Variants in PDE10A observed in about 807,000 individuals in gnomAD.
The protein encoded by PDE10A is cAMP and cAMP-inhibited cGMP 3',5'-cyclic phosphodiesterase 10A.
Under a neutral mutation model 97.7 loss-of-function variants are expected in PDE10A, and 39 were observed. That is an observed-to-expected ratio of 0.40 (90% CI 0.31 to 0.52). The LOEUF (loss-of-function observed/expected upper bound fraction) is 0.52, where lower values mean the gene tolerates loss of function less well. Among genes scored for constraint, PDE10A ranks in the 20% least tolerant of loss-of-function variants. The probability of loss-of-function intolerance (pLI) is 0.56; values close to 1 mark genes in which losing one functional copy is unlikely to be tolerated. For synonymous variants in PDE10A, 371 were observed against 376.8 expected, an observed-to-expected ratio of 0.98 and a Z score of 0.18; for missense variants, 731 against 1,047.8, an observed-to-expected ratio of 0.70 and a Z score of 4.17.
At chr6:165,443,716 C>T (rs1311226402) in intron 5 of PDE10A, among the ~76,000 whole-genome samples, 1 of 152,194 alleles carries the variant, frequency 6.6e-6, no homozygotes, top group Non-Finnish European at 1.5e-5. Context: ...TTTCTATCAT[C>T]CTCTGAAATC....
At chr6:165,668,248 AGG>A (rs1224421321) in intron 1 of PDE10A, among the ~76,000 whole-genome samples, 1 of 152,244 alleles carries the variant, frequency 6.6e-6, no homozygotes, top group African/African-American at 2.4e-5. Flanking sequence ...CTGGATAAAA[AGG>A]GTTGGCTGGG....
intron 1 of PDE10A, among the ~76,000 whole-genome samples, chr6:165,698,763 C>G (rs925304066): frequency 2.6e-5 from 4 of 152,102 alleles, no homozygotes; most frequent in Non-Finnish European, 5.9e-5. Flanking sequence ...ATTGTTTGAA[C>G]CCAGGAGGTG....
rs889116967 is a variant in PDE10A, at chr6:165,764,141, C to T, written c.-614-220573G>A. On this transcript the variant is annotated intron_variant, in intron 1 of 19. Transcript: ENST00000366882. ...CTCCTGGTAACAGCAATGCAGTAGA[C>T]GGATGAGGCTCTTGGCTCTGCCTGG... Among the ~76,000 whole-genome samples, 11 of 152,156 alleles carry T rather than the reference C, an allele frequency of 7.2e-5. No homozygotes were observed. The East Asian group carries it at 1.9e-3, about 27-fold the overall frequency.
At chr6:165,839,971 T>TCCC (rs1780198714) in intron 1 of PDE10A, among the ~76,000 whole-genome samples, 1 of 48,928 alleles carries the variant, frequency 2.0e-5, no homozygotes, top group African/African-American at 7.4e-5. Flanking sequence ...ATCTCTGTCT[T>TCCC]CATCCCCATC....
intron 18 of PDE10A, among the ~76,000 whole-genome samples, chr6:165,376,935 C>A (rs1373324022): frequency 6.6e-6 from 1 of 152,056 alleles, no homozygotes; most frequent in Non-Finnish European, 1.5e-5. Context: ...GAGAAGAAAA[C>A]AAATTGCCAC....
intron 1 of PDE10A, among the ~76,000 whole-genome samples, chr6:165,621,281 T>TTTTTGAA (rs1562637030): frequency 6.8e-6 from 1 of 148,054 alleles, no homozygotes; most frequent in Non-Finnish European, 1.5e-5. Context: ...AATCCTCACC[T>TTTTTGAA]AGCAAATTTA....
Position 165,336,229 on chromosome 6 carries a change from C to G in PDE10A, c.2977-18G>C. On this transcript the variant is annotated intron_variant, in intron 20 of 21. Transcript: ENST00000539869. ...AACCCAAGCTGCCTCCATGCAAAAA[C>G]CACGGACAAGAAACAAAAGTGCACA... is the stretch of plus-strand genomic sequence containing the variant. 6.3e-7 allele frequency: 1 copy of G among 1,591,406 alleles called. No individual in the cohort carries two copies. The highest frequency in any genetic ancestry group is 8.6e-7 in the Non-Finnish European group (1 of 1,159,718).
intron 1 of PDE10A, among the ~76,000 whole-genome samples, chr6:165,642,940 ATAT>A (rs1789209889): frequency 2.0e-5 from 3 of 152,166 alleles, no homozygotes; most frequent in East Asian, 3.9e-4. Context: ...TGCCTCATAC[ATAT>A]TTTTGTCAAA....
chr6:165,600,433 CTTCT>C (rs1786876852), intron 1 of PDE10A, among the ~76,000 whole-genome samples: 1 of 152,366 alleles, frequency 6.6e-6, no homozygotes, highest in East Asian at 1.9e-4. Flanking sequence ...AGGACGCTTG[CTTCT>C]TTCTGTTCAA....
intron 1 of PDE10A, among the ~76,000 whole-genome samples, chr6:165,852,279 A>T (rs6456020): frequency 1 from 152,297 of 152,356 alleles, 76,119 homozygotes; most frequent in Middle Eastern, 1. Context: ...GTTGATTCCT[A>T]ATCTGACTTT....
chr6:165,732,756 C>G (rs1792471833), intron 1 of PDE10A, among the ~76,000 whole-genome samples: 1 of 152,230 alleles, frequency 6.6e-6, no homozygotes, highest in South Asian at 2.1e-4. Context: ...AACAGTAGCT[C>G]TGGAGTCTCC....
At chr6:165,506,043 G>A (rs1332226545) in intron 2 of PDE10A, among the ~76,000 whole-genome samples, 4 of 151,938 alleles carry the variant, frequency 2.6e-5, no homozygotes, top group Admixed American at 6.6e-5. Context: ...GGTAACCACT[G>A]GCAGACAGTA....
At position 165,655,797 on chromosome 6, in the gene PDE10A, C is replaced by T. The variant is rs183287939; in HGVS notation, c.865+6150G>A. ...CAGTTTTTTCCTCTGACTGACAAAG[C>T]CTTCATCCGGCCCATTTGCCACTTC... On this transcript the variant is annotated intron_variant, in intron 1 of 21. Transcript: ENST00000539869. This position sits in a 1 kb window ranked among gnomAD's most constrained non-coding sequence, Gnocchi z 4.5. Among the ~76,000 whole-genome samples, 15 of 152,248 alleles carry T rather than the reference C, an allele frequency of 9.9e-5. No homozygotes were observed. In the East Asian group the frequency reaches 2.5e-3, roughly 26 times the overall value.
chr6:165,603,845 G>A (rs896425893), intron 1 of PDE10A, among the ~76,000 whole-genome samples: 24 of 152,342 alleles, frequency 1.6e-4, no homozygotes, highest in Admixed American at 7.2e-4. Context: ...ACTAGGGAAC[G>A]GATGAATAAA....
chr6:165,945,450 C>T (rs1783734094), intron 1 of PDE10A, among the ~76,000 whole-genome samples: 1 of 152,186 alleles, frequency 6.6e-6, no homozygotes, highest in Non-Finnish European at 1.5e-5. Flanking sequence ...ATCTTTGTGT[C>T]CCCACACCCC....
At chr6:165,457,728 A>AG (rs1215396098) in intron 3 of PDE10A, among the ~76,000 whole-genome samples, 1 of 152,148 alleles carries the variant, frequency 6.6e-6, no homozygotes, top group African/African-American at 2.4e-5. Flanking sequence ...TCTCTTGCCT[A>AG]GGGGGAAATA....
chr6:165,726,426 G>T (rs1359989484), intron 1 of PDE10A, among the ~76,000 whole-genome samples: 1 of 152,186 alleles, frequency 6.6e-6, no homozygotes, highest in Non-Finnish European at 1.5e-5. Context: ...ACGTTAATAA[G>T]CATAGCTGGT....
chr6:165,713,795 G>A (rs941351953), intron 1 of PDE10A, among the ~76,000 whole-genome samples: 3 of 152,202 alleles, frequency 2.0e-5, no homozygotes, highest in African/African-American at 7.2e-5. Context: ...ATTATTAACA[G>A]AAGAAAACTG....
rs562103260 is a variant in PDE10A, at chr6:165,626,138, G to A, written c.865+35809C>T. 4.1e-4 allele frequency among the ~76,000 whole-genome samples: 62 copies of A among 152,246 alleles called. No individual in the cohort carries two copies. The South Asian group carries it at 5.0e-3, about 12-fold the overall frequency. ...GACACAGTTACCCAGGAAGGAGGGT[G>A]CAGCCAGCTTCATCACATGCTGCCA... On this transcript the variant is annotated intron_variant, in intron 1 of 21. Transcript: ENST00000539869.
Sources: allele counts gnomAD v4.1 joint callset (sites outside exome capture counted in the v4.1 genomes callset), GRCh38; gene constraint gnomAD v4.1.1; non-coding constraint Gnocchi (gnomAD v3.1); transcripts MANE v1.5; gene names NCBI Gene and HGNC (gene_info 2026-07-23, HGNC 2026-07-21).